The following SLIT2 variants were observed in gnomAD, a reference collection of about 807,000 sequenced individuals.
The protein encoded by SLIT2 is slit guidance ligand 2, also known as slit homolog 2 protein.
SLIT2 carries 41 observed loss-of-function variants against 185.7 expected under a neutral mutation model. That is an observed-to-expected ratio of 0.22 (90% CI 0.17 to 0.29). SLIT2 has a LOEUF of 0.29. Ranked by LOEUF, SLIT2 falls within the 10% of genes least tolerant of loss-of-function variation. The pLI, the probability that SLIT2 is intolerant of heterozygous loss-of-function variation, is 1.00. For synonymous variants in SLIT2, 693 were observed against 680.2 expected (o/e 1.02, Z -0.29); for missense variants, 1,571 against 1,909.0 (o/e 0.82, Z 3.30).
intron 4 of SLIT2, among the ~76,000 whole-genome samples, chr4:20,460,084 G>A (rs1447995020): frequency 6.6e-6 from 1 of 151,844 alleles, no homozygotes; most frequent in Non-Finnish European, 1.5e-5. Context: ...GTCTGGTCTC[G>A]AACTCCTGAC....
chr4:20,357,173 G>C (rs1253655820), intron 4 of SLIT2, among the ~76,000 whole-genome samples: 1 of 152,076 alleles, frequency 6.6e-6, no homozygotes, highest in African/African-American at 2.4e-5. Flanking sequence ...GTTACATCAT[G>C]TTTCCATTAC....
chr4:20,305,400 A>G (rs538802677), intron 4 of SLIT2, among the ~76,000 whole-genome samples: 2 of 152,362 alleles, frequency 1.3e-5, no homozygotes, highest in East Asian at 1.9e-4. Context: ...TTTCTGTAAC[A>G]TAAGTCAGAC....
intron 4 of SLIT2, among the ~76,000 whole-genome samples, chr4:20,384,337 A>T (rs1463278934): frequency 6.6e-6 from 1 of 152,156 alleles, no homozygotes; most frequent in East Asian, 1.9e-4. Context: ...AATTATTCTG[A>T]TAAAAAACAA....
At chr4:20,412,881 A>G (rs547982426) in intron 4 of SLIT2, among the ~76,000 whole-genome samples, 1 of 152,232 alleles carries the variant, frequency 6.6e-6, no homozygotes, top group African/African-American at 2.4e-5. Context: ...AAAATCAATC[A>G]TGAATGTAAG....
chr4:20,272,271 T>TAAAA (rs5856553), intron 4 of SLIT2, among the ~76,000 whole-genome samples: 1 of 145,214 alleles, frequency 6.9e-6, no homozygotes, highest in Non-Finnish European at 1.5e-5. Context: ...GGTTGGAGGT[T>TAAAA]AAAAAAAAAA....
At chr4:20,428,799 AT>A (rs1728750446) in intron 4 of SLIT2, among the ~76,000 whole-genome samples, 2 of 152,164 alleles carry the variant, frequency 1.3e-5, no homozygotes, top group Non-Finnish European at 2.9e-5. Context: ...ATGGAAGGGC[AT>A]TTGTACAGTA....
intron 33 of SLIT2, among the ~76,000 whole-genome samples, chr4:20,599,549 G>C (rs1728251259): frequency 6.6e-6 from 1 of 152,138 alleles, no homozygotes; most frequent in African/African-American, 2.4e-5. Flanking sequence ...CAATATAAAA[G>C]AAGTGGTTGT....
intron 4 of SLIT2, among the ~76,000 whole-genome samples, chr4:20,456,183 T>A (rs909114819): frequency 3.3e-5 from 3 of 91,574 alleles, no homozygotes; most frequent in African/African-American, 9.9e-5. Flanking sequence ...GTCTTGTGAA[T>A]GAAGGGTCCT....
chr4:20,313,326 G>A (rs1346418043), intron 4 of SLIT2, among the ~76,000 whole-genome samples: 1 of 152,130 alleles, frequency 6.6e-6, no homozygotes, highest in Admixed American at 6.5e-5. Flanking sequence ...AAGAGCAGGA[G>A]GAAGAGAGAG....
At chr4:20,545,947 A>C in intron 21 of SLIT2, 84 bp from the exon 22 acceptor site, 2 of 641,850 alleles carry the variant, frequency 3.1e-6, no homozygotes, top group Non-Finnish European at 5.1e-6. Flanking sequence ...TCCTTGCCTC[A>C]GTTAAGAGTG....
At chr4:20,429,370 CT>C (rs1041785505) in intron 4 of SLIT2, among the ~76,000 whole-genome samples, 1 of 152,024 alleles carries the variant, frequency 6.6e-6, no homozygotes, top group Non-Finnish European at 1.5e-5. Context: ...AAGACACTGT[CT>C]TTTCTAACGG....
intron 29 of SLIT2, among the ~76,000 whole-genome samples, chr4:20,585,819 A>T (rs1439290449): frequency 6.6e-6 from 1 of 152,120 alleles, no homozygotes; most frequent in Non-Finnish European, 1.5e-5. Context: ...CAATTCCCCT[A>T]TTTTTTATTA....
intron 16 of SLIT2, among the ~76,000 whole-genome samples, chr4:20,531,658 G>A (rs1721823424): frequency 6.6e-6 from 1 of 151,656 alleles, no homozygotes; most frequent in Non-Finnish European, 1.5e-5. Flanking sequence ...AACGATTAGG[G>A]AAAAAACAGT....
chr4:20,533,953 ACACG>A (rs1722042381), intron 18 of SLIT2, among the ~76,000 whole-genome samples: 1 of 148,378 alleles, frequency 6.7e-6, no homozygotes, highest in Admixed American at 6.7e-5. Context: ...ACACACACAC[ACACG>A]TATTGTGAAT....
intron 4 of SLIT2, among the ~76,000 whole-genome samples, chr4:20,321,138 C>T (rs1164902642): frequency 6.6e-6 from 1 of 152,050 alleles, no homozygotes; most frequent in Non-Finnish European, 1.5e-5. Context: ...AAAAACAAAA[C>T]AAAACAAAAC....
chr4:20,470,308 T>G (rs1714842948), intron 5 of SLIT2, among the ~76,000 whole-genome samples: 1 of 152,058 alleles, frequency 6.6e-6, no homozygotes, highest in Non-Finnish European at 1.5e-5. Flanking sequence ...CATTTTGACA[T>G]GAAGTTACAA....
chr4:20,550,815 T>C lies in SLIT2; in HGVS notation c.2490-12T>C, dbSNP rs757297573. 1.3e-6 allele frequency: 2 copies of C among 1,577,710 alleles called. No homozygotes were observed. Among genetic ancestry groups the C allele is most frequent in the Non-Finnish European group, 1.7e-6 (2 of 1,152,138 alleles). ...ATATAGGAAGTTTAATTTTTCTTTT[T>C]CTTTCTTTTAGTTCTCTACATGGAA... On this transcript the variant is annotated splice_polypyrimidine_tract_variant and intron_variant, in intron 24 of 36. Transcript: ENST00000504154.
At chr4:20,563,204 C>G (rs1335484692) in intron 26 of SLIT2, among the ~76,000 whole-genome samples, 2 of 151,772 alleles carry the variant, frequency 1.3e-5, no homozygotes, top group Non-Finnish European at 2.9e-5. Flanking sequence ...TGCTATAGTG[C>G]TCTCTTAATC....
chr4:20,541,917 A>C (rs1722829045), intron 20 of SLIT2, among the ~76,000 whole-genome samples: 1 of 152,144 alleles, frequency 6.6e-6, no homozygotes, highest in African/African-American at 2.4e-5. Context: ...CATGTTTTTT[A>C]GTACCTACCA....
Sources: gnomAD v4.1 joint callset for allele counts (sites outside exome capture counted in the v4.1 genomes callset) on GRCh38, gnomAD v4.1.1 for gene constraint, MANE v1.5 for transcripts, NCBI Gene and HGNC (gene_info 2026-07-23, HGNC 2026-07-21) for gene names.